AGPS: variants seen among roughly 807,000 people sequenced by gnomAD.
The protein encoded by AGPS is alkyldihydroxyacetonephosphate synthase, peroxisomal.
Under a neutral mutation model 90.7 loss-of-function variants are expected in AGPS, and 26 were observed. That is an observed-to-expected ratio of 0.29 (90% CI 0.21 to 0.40). The LOEUF (loss-of-function observed/expected upper bound fraction) is 0.40, where lower values mean the gene tolerates loss of function less well. AGPS is among the 10% of genes least tolerant of loss of function. The pLI is 1.00. For missense variants in AGPS, 540 were observed against 816.1 expected (o/e 0.66, Z 4.12); for synonymous variants, 294 against 285.3 (o/e 1.03, Z -0.31).
intron 10 of AGPS, among the ~76,000 whole-genome samples, chr2:177,477,153 A>G (rs1314991107): frequency 6.6e-6 from 1 of 151,968 alleles, no homozygotes; most frequent in Non-Finnish European, 1.5e-5. Flanking sequence ...TATTATTGGT[A>G]TGGTCGGATT....
At chr2:177,430,700 T>C (rs954271737) in intron 2 of AGPS, among the ~76,000 whole-genome samples, 5 of 152,140 alleles carry the variant, frequency 3.3e-5, no homozygotes, top group African/African-American at 1.2e-4. Flanking sequence ...AGTCCTGATG[T>C]GAGAACGTGG....
intron 1 of AGPS, among the ~76,000 whole-genome samples, chr2:177,411,795 C>T (rs1450378681): frequency 6.6e-6 from 1 of 152,076 alleles, no homozygotes; most frequent in African/African-American, 2.4e-5. Context: ...TGCTTTTATC[C>T]TGTTCTATTA....
chr2:177,453,936 C>G (rs1293186362), intron 8 of AGPS, among the ~76,000 whole-genome samples: 1 of 148,740 alleles, frequency 6.7e-6, no homozygotes, highest in Non-Finnish European at 1.5e-5. Context: ...ATCCGCCCAC[C>G]TCGGCCTCCC....
intron 6 of AGPS, chr2:177,441,513 A>C (rs902529023): frequency 6.5e-6 from 1 of 154,912 alleles, no homozygotes; most frequent in African/African-American, 2.4e-5. Context: ...TTTATTATGA[A>C]ATATTTTTCT....
chr2:177,504,768 T>G (rs1336073246), intron 14 of AGPS, among the ~76,000 whole-genome samples: 1 of 152,094 alleles, frequency 6.6e-6, no homozygotes, highest in Non-Finnish European at 1.5e-5. Context: ...TGTATGATAA[T>G]GGAAAAAGCA....
chr2:177,401,319 C>G (rs1685324555), intron 1 of AGPS, among the ~76,000 whole-genome samples: 1 of 152,140 alleles, frequency 6.6e-6, no homozygotes, highest in African/African-American at 2.4e-5. Flanking sequence ...TCTTGAACTT[C>G]TTTTCATTCT....
chr2:177,412,751 C>T (rs967654136), intron 1 of AGPS, among the ~76,000 whole-genome samples: 1 of 152,064 alleles, frequency 6.6e-6, no homozygotes, highest in Non-Finnish European at 1.5e-5. Context: ...CTTGGCCTCA[C>T]GGATTCCAAG....
chr2:177,450,039 G>A (rs927946735), intron 8 of AGPS, among the ~76,000 whole-genome samples: 9 of 151,960 alleles, frequency 5.9e-5, no homozygotes, highest in African/African-American at 7.2e-5. Flanking sequence ...GGTTTTCACC[G>A]CGTTAGCCAG....
intron 1 of AGPS, among the ~76,000 whole-genome samples, chr2:177,414,710 G>T (rs1490896754): frequency 1.3e-5 from 2 of 152,094 alleles, no homozygotes; most frequent in East Asian, 3.9e-4. Flanking sequence ...ATGGAAGAAA[G>T]AATTATTTTC....
intron 2 of AGPS, among the ~76,000 whole-genome samples, chr2:177,421,689 G>C (rs1685946353): frequency 6.6e-6 from 1 of 152,094 alleles, no homozygotes. Flanking sequence ...ATTTACCAGT[G>C]TTCTAAATGT....
At position 177,482,164 on chromosome 2, in the gene AGPS, G is replaced by T. The variant is rs769728711; in HGVS notation, c.1211G>T (p.Cys404Phe). ...AFPNFEQGVA[C>F]LREIAKQRCA... is the part of the protein sequence containing the mutation. ...CCTAATTTTGAACAAGGAGTAGCCT[G>T]TTTAAGAGAAATTGCAAAACAGGTA... The change falls in exon 11 of 20, where the codon TGT becomes TTT. Residue 404 changes from cysteine to phenylalanine, a missense_variant. Around this residue, in one of 2 missense-constraint regions of AGPS, gnomAD observed 405 missense variants for 692.1 expected, o/e 0.59. Coordinates refer to ENST00000264167, the MANE Select transcript of AGPS (RefSeq NM_003659.4). 2 of 1,594,422 alleles carry T rather than the reference G, an allele frequency of 1.3e-6. No individual in the cohort carries two copies. The highest frequency in any genetic ancestry group is 1.7e-6 in the Non-Finnish European group (2 of 1,168,376).
chr2:177,476,184 C>G (rs764381289), intron 10 of AGPS, among the ~76,000 whole-genome samples: 21 of 151,730 alleles, frequency 1.4e-4, no homozygotes, highest in Non-Finnish European at 2.7e-4. Context: ...TCAATTTCAC[C>G]TCTAATCTCT....
chr2:177,436,858 C>T lies in AGPS; in HGVS notation c.536C>T (p.Ala179Val). The T allele has an allele frequency of 6.2e-7, 1 of 1,612,656 alleles. No homozygotes were observed. The highest frequency in any genetic ancestry group is 8.5e-7 in the Non-Finnish European group (1 of 1,178,964). The change falls in exon 4 of 20, where the codon GCA becomes GTA. Residue 179 changes from alanine to valine, a missense_variant. Around this residue, in one of 2 missense-constraint regions of AGPS, gnomAD observed 405 missense variants for 692.1 expected, o/e 0.59. Coordinates refer to ENST00000264167, the MANE Select transcript of AGPS (RefSeq NM_003659.4). ...ACTAATATTTCATATTCACAAGAGG[C>T]AGATGATCGAGTATTTAGAGCTCAT... Reference protein sequence around the residue: ...KETNISYSQEADDRVFRAHGH... With the variant: ...KETNISYSQEVDDRVFRAHGH...
At chr2:177,424,176 T>C (rs1036718337) in intron 2 of AGPS, among the ~76,000 whole-genome samples, 2 of 152,174 alleles carry the variant, frequency 1.3e-5, no homozygotes, top group African/African-American at 4.8e-5. Flanking sequence ...TGTGTTCTCA[T>C]TGTTCAGCTC....
At chr2:177,422,746 C>T (rs1685975173) in intron 2 of AGPS, among the ~76,000 whole-genome samples, 1 of 152,140 alleles carries the variant, frequency 6.6e-6, no homozygotes, top group African/African-American at 2.4e-5. Flanking sequence ...AGCACCAGTA[C>T]CTTGTCACAG....
chr2:177,452,701 G>A (rs982612003), intron 8 of AGPS, among the ~76,000 whole-genome samples: 3 of 151,960 alleles, frequency 2.0e-5, no homozygotes, highest in African/African-American at 4.8e-5. Context: ...GTTTAAATCT[G>A]TCATCTTGCT....
intron 10 of AGPS, among the ~76,000 whole-genome samples, chr2:177,479,035 T>C (rs1242215460): frequency 1.3e-5 from 2 of 152,172 alleles, no homozygotes; most frequent in Non-Finnish European, 1.5e-5. Flanking sequence ...ATCTGTCTTA[T>C]GGCCTGTTTC....
chr2:177,444,471 G>A (rs1375265762), intron 7 of AGPS, among the ~76,000 whole-genome samples: 1 of 150,142 alleles, frequency 6.7e-6, no homozygotes, highest in African/African-American at 2.5e-5. Flanking sequence ...GTCTTATAGT[G>A]AGAGTATAAT....
chr2:177,514,522 TC>T (rs148740013), intron 17 of AGPS, among the ~76,000 whole-genome samples: 4,597 of 152,286 alleles, frequency 0.03, 225 homozygotes, highest in African/African-American at 0.1. Context: ...TGACAAGTCC[TC>T]ATTAAGGCAT....
Sources: gnomAD v4.1 joint callset for allele counts (sites outside exome capture counted in the v4.1 genomes callset) on GRCh38, gnomAD v4.1.1 for gene constraint, gnomAD v4.1.1 regional missense constraint, MANE v1.5 for transcripts, NCBI Gene and HGNC (gene_info 2026-07-23, HGNC 2026-07-21) for gene names.